The following KLF9 variants were observed in gnomAD, a reference collection of about 807,000 sequenced individuals.
KLF9 encodes KLF transcription factor 9.
A neutral mutation model predicts 17.3 loss-of-function variants in KLF9; 2 were observed. The ratio of observed to expected loss-of-function variants is 0.12; its 90% CI spans 0.05 to 0.36. The LOEUF (loss-of-function observed/expected upper bound fraction) is 0.36. Among genes scored for constraint, KLF9 ranks in the 10% least tolerant of loss-of-function variants. The pLI, the probability that KLF9 is intolerant of heterozygous loss-of-function variation, is 1.00. For synonymous variants in KLF9, 138 were observed against 139.2 expected (o/e 0.99, Z 0.06); for missense variants, 226 against 333.2 (o/e 0.68, Z 2.51).
chr9:70,402,761 C>A (rs892893229), intron 1 of KLF9, among the ~76,000 whole-genome samples: 6 of 152,034 alleles, frequency 3.9e-5, no homozygotes, highest in African/African-American at 1.5e-4. Flanking sequence ...TCCTTCCCAC[C>A]AAAAGGAAGA....
At chr9:70,388,388 G>A (rs750479319) in intron 1 of KLF9, among the ~76,000 whole-genome samples, 2 of 152,026 alleles carry the variant, frequency 1.3e-5, no homozygotes, top group Non-Finnish European at 2.9e-5. Flanking sequence ...CCCGTCCCCT[G>A]CCTCTACCTT....
At chr9:70,400,764 A>C (rs1292103850) in intron 1 of KLF9, among the ~76,000 whole-genome samples, 1 of 152,128 alleles carries the variant, frequency 6.6e-6, no homozygotes, top group Admixed American at 6.5e-5. Context: ...CAGTGGCCAT[A>C]AATCCTACTC....
chr9:70,414,430 T>C lies in KLF9; in HGVS notation c.-1067A>G, dbSNP rs1205461121. 1.3e-5 allele frequency: 2 copies of C among 152,238 alleles called. No individual in the cohort carries two copies. The highest frequency in any genetic ancestry group is 2.4e-5 in the African/African-American group (1 of 41,446). The allele number at this position is 152,238 out of a possible 1,614,324, so 9.4% of individuals were successfully genotyped here. A position where few individuals can be genotyped will look rare whatever the true frequency, so the allele number is the denominator to read the frequency against. On this transcript the variant is annotated 5_prime_UTR_variant, in exon 1 of 2. Coordinates refer to ENST00000377126, the MANE Select transcript of KLF9 (RefSeq NM_001206.4). Reference sequence around the variant, plus strand: ...TCAAAAGTAAGTTGGTTGATGTCACTGGCATTGGCTCGGCCAATCACAAGG... The same window carrying C: ...TCAAAAGTAAGTTGGTTGATGTCACCGGCATTGGCTCGGCCAATCACAAGG...
At chr9:70,410,013 A>G (rs1487787524) in intron 1 of KLF9, among the ~76,000 whole-genome samples, 1 of 152,232 alleles carries the variant, frequency 6.6e-6, no homozygotes, top group Non-Finnish European at 1.5e-5. Flanking sequence ...ATCTTTGCAC[A>G]AGAACCTGTG....
chr9:70,392,840 A>G (rs978796277), intron 1 of KLF9, among the ~76,000 whole-genome samples: 10 of 152,178 alleles, frequency 6.6e-5, no homozygotes, highest in African/African-American at 1.4e-4. Flanking sequence ...GAGAATCTTT[A>G]AACCTGTCTT....
Position 70,385,323 on chromosome 9 carries a change from A to G in KLF9, c.*2453T>C, listed in dbSNP as rs1451440897. 1.3e-5 allele frequency: 2 copies of G among 152,636 alleles called. No individual in the cohort carries two copies. The highest frequency in any genetic ancestry group is 4.8e-5 in the African/African-American group (2 of 41,444). The allele number at this position is 152,636 out of a possible 1,614,324, so 9.5% of individuals were successfully genotyped here. A position where few individuals can be genotyped will look rare whatever the true frequency, so the allele number is the denominator to read the frequency against. ...ACATTTTAAAACAGGATTTAATCAC[A>G]AAGAATAAAAAGGCTTGAGTTTATA... On this transcript the variant is annotated 3_prime_UTR_variant, in exon 2 of 2. Coordinates refer to ENST00000377126, the MANE Select transcript of KLF9 (RefSeq NM_001206.4).
At chr9:70,401,649 T>C (rs1463196426) in intron 1 of KLF9, among the ~76,000 whole-genome samples, 1 of 128,582 alleles carries the variant, frequency 7.8e-6, no homozygotes, top group Non-Finnish European at 1.5e-5. Context: ...ATCGCACCAC[T>C]GCACTCTAGT....
chr9:70,387,227 G>A lies in KLF9; in HGVS notation c.*549C>T, dbSNP rs1252269699. The A allele has an allele frequency of 6.5e-6, 1 of 152,720 alleles. No individual in the cohort carries two copies. Among genetic ancestry groups the A allele is most frequent in the Non-Finnish European group, 1.5e-5 (1 of 68,704 alleles). 9.5% of individuals were successfully genotyped at this position (152,720 alleles called of 1,614,324 possible). On this transcript the variant is annotated 3_prime_UTR_variant, in exon 2 of 2. Transcript: ENST00000377126. ...TTTTTTTTTAATCTCAAAAGTTAACGTGATTCAAGAGAGTGGTTTTGCTAA... is the reference window on the plus strand; with the variant it reads ...TTTTTTTTTAATCTCAAAAGTTAACATGATTCAAGAGAGTGGTTTTGCTAA...
At position 70,386,434 on chromosome 9, in the gene KLF9, G is replaced by A. The variant is rs543816889; in HGVS notation, c.*1342C>T. The A allele has an allele frequency of 3.3e-5, 5 of 152,736 alleles. No homozygotes were observed. The South Asian group carries it at 1.0e-3, about 32-fold the overall frequency. 9.5% of individuals were successfully genotyped at this position (152,736 alleles called of 1,614,324 possible). On this transcript the variant is annotated 3_prime_UTR_variant, in exon 2 of 2. Coordinates refer to ENST00000377126, the MANE Select transcript of KLF9 (RefSeq NM_001206.4). ...TCCATGTTGCCTGCATTCTCCACAA[G>A]GGACGATTTTGCAGAGTCTCCTCTG...
chr9:70,403,888 GAAC>G (rs1446924282), intron 1 of KLF9, among the ~76,000 whole-genome samples: 3 of 152,158 alleles, frequency 2.0e-5, no homozygotes, highest in Admixed American at 6.5e-5. Context: ...GCCAGAGTCA[GAAC>G]AACAAGAGTA....
chr9:70,391,263 C>A (rs1025832928), intron 1 of KLF9, among the ~76,000 whole-genome samples: 16 of 152,128 alleles, frequency 1.1e-4, no homozygotes, highest in Admixed American at 9.8e-4. Flanking sequence ...TGGCATGAAG[C>A]CATCAGAATA....
At chr9:70,395,072 A>C (rs1362812821) in intron 1 of KLF9, among the ~76,000 whole-genome samples, 1 of 152,260 alleles carries the variant, frequency 6.6e-6, no homozygotes, top group South Asian at 2.1e-4. Context: ...AATACTAGTT[A>C]TTAAAATGGA....
intron 1 of KLF9, among the ~76,000 whole-genome samples, chr9:70,410,832 A>G (rs2118930197): frequency 6.6e-6 from 1 of 152,318 alleles, no homozygotes; most frequent in African/African-American, 2.4e-5. Context: ...TAACCTTAAC[A>G]CATACCTCCT....
Position 70,393,374 on chromosome 9 carries a change from T to G in KLF9, c.506-5369A>C, listed in dbSNP as rs779468049. On this transcript the variant is annotated intron_variant, in intron 1 of 1. Transcript: ENST00000377126. ...AGTCCTGAAACGAATGGAGGTGAGT[T>G]CTCCATAGAGAAGACAGAGACCGGG... 1.2e-3 allele frequency among the ~76,000 whole-genome samples: 190 copies of G among 152,058 alleles called. 1 individual carries two copies. Among genetic ancestry groups the G allele is most frequent in the Admixed American group, 2.9e-3 (45 of 15,260 alleles).
At chr9:70,392,130 AG>A (rs1352391961) in intron 1 of KLF9, among the ~76,000 whole-genome samples, 7 of 152,212 alleles carry the variant, frequency 4.6e-5, no homozygotes, top group Admixed American at 4.6e-4. Flanking sequence ...GGTTGTGGTG[AG>A]CCAAGATCAC....
chr9:70,389,146 G>GA (rs113853495), intron 1 of KLF9, among the ~76,000 whole-genome samples: 2,071 of 132,346 alleles, frequency 0.016, 47 homozygotes, highest in African/African-American at 0.051. Context: ...GTCTCAAAAA[G>GA]AAAAAAAAAA....
At chr9:70,389,463 A>G (rs2037138680) in intron 1 of KLF9, among the ~76,000 whole-genome samples, 1 of 152,174 alleles carries the variant, frequency 6.6e-6, no homozygotes. Flanking sequence ...CTGTCTACCA[A>G]GGCCCGTGCT....
At chr9:70,399,786 A>G (rs2037209474) in intron 1 of KLF9, among the ~76,000 whole-genome samples, 1 of 152,232 alleles carries the variant, frequency 6.6e-6, no homozygotes, top group Admixed American at 6.5e-5. Flanking sequence ...TTTTTTTCCA[A>G]TTCTCTGCCT....
chr9:70,402,028 T>A (rs1377222488), intron 1 of KLF9, among the ~76,000 whole-genome samples: 1 of 150,544 alleles, frequency 6.6e-6, no homozygotes, highest in Non-Finnish European at 1.5e-5. Flanking sequence ...AATAAATAAA[T>A]AAAAATAAAA....
Sources: allele counts gnomAD v4.1 joint callset (sites outside exome capture counted in the v4.1 genomes callset), GRCh38; gene constraint gnomAD v4.1.1; transcripts MANE v1.5; gene names NCBI Gene and HGNC (gene_info 2026-07-23, HGNC 2026-07-21).